The following MTHFD1 variants were observed in gnomAD, a reference collection of about 807,000 sequenced individuals.
MTHFD1 encodes C-1-tetrahydrofolate synthase, cytoplasmic.
Under a neutral mutation model 110.3 loss-of-function variants are expected in MTHFD1, and 44 were observed. The ratio of observed to expected loss-of-function variants is 0.40; its 90% confidence interval spans 0.31 to 0.51. The LOEUF is 0.51. Among genes scored for constraint, MTHFD1 ranks in the 20% least tolerant of loss-of-function variants. The pLI, the probability that MTHFD1 is intolerant of heterozygous loss-of-function variation, is 0.60. For synonymous variants in MTHFD1, 402 were observed against 428.8 expected, an observed-to-expected ratio of 0.94 and a Z score of 0.77; for missense variants, 909 against 1,173.1, an observed-to-expected ratio of 0.77 and a Z score of 3.29.
chr14:64,449,423 A>T, intron 23 of MTHFD1, 22 bp from the exon 24 acceptor site: 1 of 1,611,994 alleles, frequency 6.2e-7, no homozygotes. Flanking sequence ...CCATGCTTTG[A>T]TATGAAATGC....
At chr14:64,453,427 C>T (rs538732729) in intron 24 of MTHFD1, among the ~76,000 whole-genome samples, 76 of 152,110 alleles carry the variant, frequency 5.0e-4, no homozygotes, top group Non-Finnish European at 7.9e-4. Context: ...CAGAATTAGC[C>T]GGGCTTGGTT....
At chr14:64,432,503 A>G (rs1170232792) in intron 15 of MTHFD1, among the ~76,000 whole-genome samples, 1 of 152,230 alleles carries the variant, frequency 6.6e-6, no homozygotes. Flanking sequence ...GAATAAATAA[A>G]CAAACTGGTA....
intron 18 of MTHFD1, 141 bp from the exon 19 acceptor site, chr14:64,441,244 C>G: frequency 1.2e-6 from 1 of 803,816 alleles, no homozygotes; most frequent in South Asian, 1.4e-5. Flanking sequence ...CAGAAAAAAA[C>G]CATGAATGGT....
chr14:64,451,419 T>C (rs1300531349), intron 24 of MTHFD1, among the ~76,000 whole-genome samples: 3 of 152,240 alleles, frequency 2.0e-5, no homozygotes, highest in South Asian at 2.1e-4. Flanking sequence ...TGTTCTCTTA[T>C]TTCTCTTTGC....
At chr14:64,452,313 C>T (rs1350308332) in intron 24 of MTHFD1, among the ~76,000 whole-genome samples, 1 of 152,128 alleles carries the variant, frequency 6.6e-6, no homozygotes, top group Non-Finnish European at 1.5e-5. Flanking sequence ...TAAGAACCTG[C>T]CTAATATGTT....
At chr14:64,439,329 C>T (rs915177328) in intron 17 of MTHFD1, 157 bp downstream of exon 17, 5 of 669,600 alleles carry the variant, frequency 7.5e-6, no homozygotes, top group East Asian at 5.5e-5. Flanking sequence ...GCATTGAGCA[C>T]TCCTGACAGC....
chr14:64,444,733 A>G lies in MTHFD1; in HGVS notation c.2177A>G (p.Glu726Gly). The G allele has an allele frequency of 6.2e-7, 1 of 1,614,030 alleles. No individual in the cohort carries two copies. Among genetic ancestry groups the G allele is most frequent in the Non-Finnish European group, 8.5e-7 (1 of 1,179,928 alleles). ...GLPLPKAYIQ[E>G]NLELVEKGFS... ...CCTCTTCCCAAGGCTTACATACAGGAGGTAACCTGAGTTATTTCTCATCAC... is the reference window on the plus strand; with the variant it reads ...CCTCTTCCCAAGGCTTACATACAGGGGGTAACCTGAGTTATTTCTCATCAC... Residue 726 changes from glutamate (E) to glycine (G), a missense_variant and splice_region_variant, in exon 22 of 28, where the codon GAG becomes GGG. By Grantham distance (98) the Glu-to-Gly change is moderately conservative. This residue lies in a region of MTHFD1 where 482 missense variants were observed against 646.0 expected (regional missense o/e 0.75). Coordinates refer to ENST00000652337, the MANE Select transcript of MTHFD1 (RefSeq NM_005956.4).
In MTHFD1 at chr14:64,399,613, C is replaced by T. The variant is rs997399856; in HGVS notation, c.42-1180C>T. Among the ~76,000 whole-genome samples, 12 of 142,016 alleles carry T rather than the reference C, an allele frequency of 8.4e-5. No individual in the cohort carries two copies. In the East Asian group the frequency reaches 1.6e-3, roughly 19 times the overall value. 93.2% of individuals were successfully genotyped at this position (142,016 alleles called of 152,430 possible). A position where few individuals can be genotyped will look rare whatever the true frequency, so the allele number is the denominator to read the frequency against. On this transcript the variant is annotated intron_variant, in intron 1 of 27. Coordinates refer to ENST00000652337, the MANE Select transcript of MTHFD1 (RefSeq NM_005956.4). ...GGTGGAGGTTGCAGTGAGCAGATAT[C>T]GCACCATTGCACTCCAGCCTGGGCA...
Position 64,458,140 on chromosome 14 carries a change from C to T in MTHFD1, c.2719-74C>T, listed in dbSNP as rs148259084. ...TCCTGGCCTCAAGTGATCCTCTCCA[C>T]CTCAGCCTGGGATTATAGGCGTGAG... is the stretch of plus-strand genomic sequence containing the variant. On this transcript the variant is annotated intron_variant, in intron 26 of 27. Coordinates refer to ENST00000652337, the MANE Select transcript of MTHFD1 (RefSeq NM_005956.4). The T allele has an allele frequency of 4.1e-4, 495 of 1,202,402 alleles. 2 individuals carry two copies. In the African/African-American group the frequency reaches 6.5e-3, roughly 16 times the overall value. The allele number at this position is 1,202,402 out of a possible 1,614,324, so 74.5% of individuals were successfully genotyped here. A position where few individuals can be genotyped will look rare whatever the true frequency, so the allele number is the denominator to read the frequency against.
intron 22 of MTHFD1, among the ~76,000 whole-genome samples, chr14:64,447,109 A>ACT (rs1277806902): frequency 6.9e-6 from 1 of 144,738 alleles, no homozygotes; most frequent in African/African-American, 2.6e-5. Flanking sequence ...CTCGCAAAGT[A>ACT]CTGGGATTAC....
At chr14:64,446,229 T>A (rs1357550286) in intron 22 of MTHFD1, among the ~76,000 whole-genome samples, 1 of 152,180 alleles carries the variant, frequency 6.6e-6, no homozygotes, top group African/African-American at 2.4e-5. Context: ...CATTTAAAAA[T>A]TTTTCATGAA....
intron 27 of MTHFD1, among the ~76,000 whole-genome samples, chr14:64,458,873 A>T (rs564747088): frequency 6.6e-6 from 1 of 152,292 alleles, no homozygotes; most frequent in South Asian, 2.1e-4. Flanking sequence ...GTCTCTCCTT[A>T]GGCAGACCCT....
chr14:64,444,608 C>G, intron 21 of MTHFD1, 85 bp from the exon 22 acceptor site: 1 of 1,470,730 alleles, frequency 6.8e-7, no homozygotes, highest in Non-Finnish European at 9.5e-7. Context: ...ATTGCAGCGT[C>G]TTGCCTTTAA....
At chr14:64,402,386 G>A (rs1224331895) in intron 2 of MTHFD1, among the ~76,000 whole-genome samples, 1 of 152,098 alleles carries the variant, frequency 6.6e-6, no homozygotes, top group African/African-American at 2.4e-5. Context: ...AAGCTCACAG[G>A]GGTGGATAAA....
At chr14:64,400,738 A>C (rs2077889169) in intron 1 of MTHFD1, 55 bp from the exon 2 acceptor site, 1 of 1,076,600 alleles carries the variant, frequency 9.3e-7, no homozygotes, top group Non-Finnish European at 1.4e-6. Flanking sequence ...AATCTGCATC[A>C]CTTATTTGTG....
chr14:64,424,710 A>G, intron 8 of MTHFD1, 94 bp from the exon 9 acceptor site: 1 of 1,411,266 alleles, frequency 7.1e-7, no homozygotes, highest in South Asian at 1.2e-5. Flanking sequence ...TGATGGGACT[A>G]ACACACCCTA....
At chr14:64,432,935 A>AT (rs1332109733) in intron 15 of MTHFD1, among the ~76,000 whole-genome samples, 1 of 151,762 alleles carries the variant, frequency 6.6e-6, no homozygotes, top group African/African-American at 2.4e-5. Flanking sequence ...TTTTTATTTT[A>AT]TTTTTTTGTA....
chr14:64,448,418 A>G, intron 23 of MTHFD1, 101 bp downstream of exon 23: 2 of 938,758 alleles, frequency 2.1e-6, no homozygotes, highest in Non-Finnish European at 3.4e-6. Flanking sequence ...AGTTACTGCT[A>G]TTGGTTATAG....
At position 64,417,166 on chromosome 14, in the gene MTHFD1, T is replaced by C. The variant is rs2078031396; in HGVS notation, c.479-722T>C. ...AAACACCTACAGCCTGGTTCCATCC[T>C]CATGCCTAACAGTCATGGGATTGGA... On this transcript the variant is annotated intron_variant, in intron 6 of 27. Transcript: ENST00000652337. This position sits in a 1 kb window ranked among gnomAD's most constrained non-coding sequence, Gnocchi z 4.4. Among the ~76,000 whole-genome samples, 1 of 152,206 alleles carries C rather than the reference T, an allele frequency of 6.6e-6. No homozygotes were observed. Among genetic ancestry groups the C allele is most frequent in the Admixed American group, 6.5e-5 (1 of 15,272 alleles).
Sources: gnomAD v4.1 joint callset for allele counts (sites outside exome capture counted in the v4.1 genomes callset) on GRCh38, gnomAD v4.1.1 for gene constraint, gnomAD v4.1.1 regional missense constraint, Gnocchi (gnomAD v3.1) non-coding constraint, MANE v1.5 for transcripts, NCBI Gene and HGNC (gene_info 2026-07-23, HGNC 2026-07-21) for gene names.